The following SEPTIN6 variants were observed in gnomAD, a reference collection of about 807,000 sequenced individuals.
The protein encoded by SEPTIN6 is septin-6.
Under a neutral mutation model 33.6 loss-of-function variants are expected in SEPTIN6, and 8 were observed. The ratio of observed to expected loss-of-function variants is 0.24; its 90% confidence interval spans 0.14 to 0.43. SEPTIN6 has a LOEUF of 0.43. Ranked by LOEUF, SEPTIN6 falls within the 20% of genes least tolerant of loss-of-function variation. SEPTIN6 has a pLI of 1.00. For synonymous variants in SEPTIN6, 131 were observed against 140.0 expected (o/e 0.94, Z 0.45); for missense variants, 250 against 340.8 (o/e 0.73, Z 2.10).
At chrX:119,666,782 G>A (rs1166474450) in intron 2 of SEPTIN6, among the ~76,000 whole-genome samples, 1 of 111,567 alleles carries the variant, frequency 9.0e-6, no homozygotes, top group African/African-American at 3.3e-5. Context: ...GGAAGTATTT[G>A]GGTCCCAAGA....
At chrX:119,644,709 T>C (rs865877811) in intron 5 of SEPTIN6, among the ~76,000 whole-genome samples, 99 of 109,045 alleles carry the variant, frequency 9.1e-4, no homozygotes, top group African/African-American at 3.0e-3. Context: ...TAGCCGGGCG[T>C]GGTGGCGGGC....
rs764539127 is a variant in SEPTIN6, at chrX:119,645,142, G to A, written c.691-4354C>T. On this transcript the variant is annotated intron_variant, in intron 5 of 10. Coordinates refer to ENST00000394610, the MANE Select transcript of SEPTIN6 (RefSeq NM_145799.4). ...AGGCTGGTCTTGAACTCCTGACCTT[G>A]GGTGATCCACCCGCCTTGGTCTCTC... Among the ~76,000 whole-genome samples the A allele has an allele frequency of 4.6e-3, 499 of 108,699 alleles. 1 individual carries two copies. Among genetic ancestry groups the A allele is most frequent in the African/African-American group, 0.016 (470 of 29,787 alleles). The allele number at this position is 108,699 out of a possible 115,157, so 94.4% of individuals were successfully genotyped here.
intron 10 of SEPTIN6, chrX:119,624,157 GTTT>G (rs66945031): frequency 9.7e-6 from 2 of 205,439 alleles, no homozygotes; most frequent in Non-Finnish European, 1.8e-5. Context: ...TTTTTTTTTT[GTTT>G]TTTTTTTTGT....
intron 9 of SEPTIN6, 101 bp from the exon 10 acceptor site, chrX:119,625,480 T>C (rs1280568790): frequency 2.6e-6 from 2 of 770,113 alleles, no homozygotes; most frequent in African/African-American, 4.2e-5. Flanking sequence ...CAAAGGTGAT[T>C]AGGAGTAGCA....
chrX:119,652,319 A>G (rs2054364347), intron 4 of SEPTIN6, among the ~76,000 whole-genome samples: 1 of 111,544 alleles, frequency 9.0e-6, no homozygotes, highest in Non-Finnish European at 1.9e-5. Flanking sequence ...TGAGTGTCAC[A>G]GAATCTGCAC....
At chrX:119,660,064 G>C (rs755970080) in intron 3 of SEPTIN6, among the ~76,000 whole-genome samples, 2 of 106,843 alleles carry the variant, frequency 1.9e-5, no homozygotes, top group African/African-American at 3.8e-5. Context: ...AGTAGAGACG[G>C]GGGTTTCACC....
At chrX:119,634,187 T>A (rs2054015575) in intron 7 of SEPTIN6, among the ~76,000 whole-genome samples, 1 of 110,359 alleles carries the variant, frequency 9.1e-6, no homozygotes, top group Non-Finnish European at 1.9e-5. Flanking sequence ...GCCAACATGG[T>A]GAAACCCCAT....
chrX:119,663,459 C>CA, intron 3 of SEPTIN6, 23 bp downstream of exon 3: 1 of 437,943 alleles, frequency 2.3e-6, no homozygotes, highest in Non-Finnish European at 4.0e-6. Context: ...CCCCACCCTA[C>CA]CCCACCCCAC....
chrX:119,616,630 G>A, downstream of SEPTIN6: 1 of 986,755 alleles, frequency 1.0e-6, no homozygotes, highest in Admixed American at 2.4e-5. Flanking sequence ...AGTTTGAGGG[G>A]AGAGGAAATT....
chrX:119,678,518 CA>C (rs369089822), intron 1 of SEPTIN6, among the ~76,000 whole-genome samples: 1,743 of 92,833 alleles, frequency 0.019, 10 homozygotes, highest in African/African-American at 0.038. Context: ...GACTCCGTCT[CA>C]AAAAAAAAAA....
intron 3 of SEPTIN6, among the ~76,000 whole-genome samples, chrX:119,656,982 G>A (rs2054455927): frequency 9.2e-6 from 1 of 109,242 alleles, no homozygotes; most frequent in South Asian, 3.9e-4. Context: ...ACTTTGGGAG[G>A]CCGAGGCAGG....
At chrX:119,654,509 AAAG>A in intron 3 of SEPTIN6, among the ~76,000 whole-genome samples, 1 of 111,444 alleles carries the variant, frequency 9.0e-6, no homozygotes, top group African/African-American at 3.3e-5. Context: ...CATGATGATC[AAAG>A]GAGGAGCTGA....
At chrX:119,647,560 C>A (rs58385862) in intron 5 of SEPTIN6, among the ~76,000 whole-genome samples, 23,310 of 98,731 alleles carry the variant, frequency 0.24, 3,978 homozygotes, top group African/African-American at 0.55. Flanking sequence ...CAGGGTTCAC[C>A]GCAGCCTCAA....
intron 1 of SEPTIN6, among the ~76,000 whole-genome samples, chrX:119,677,851 A>G (rs2054867265): frequency 1.8e-5 from 2 of 112,528 alleles, no homozygotes; most frequent in South Asian, 7.3e-4. Flanking sequence ...ATCTCACCCC[A>G]CACCCTCCCA....
chrX:119,667,147 G>A (rs1031611269), intron 2 of SEPTIN6, among the ~76,000 whole-genome samples: 7 of 110,507 alleles, frequency 6.3e-5, no homozygotes, highest in Non-Finnish European at 1.3e-4. Flanking sequence ...CGAATGCCCT[G>A]TAGCTCCTAG....
chrX:119,616,993 A>G lies in SEPTIN6; in HGVS notation c.*3100T>C. 3.9e-6 allele frequency: 4 copies of G among 1,017,694 alleles called. No homozygotes were observed. Among genetic ancestry groups the G allele is most frequent in the Non-Finnish European group, 5.0e-6 (4 of 799,958 alleles). The allele number at this position is 1,017,694 out of a possible 1,213,427, so 83.9% of individuals were successfully genotyped here. On this transcript the variant is annotated 3_prime_UTR_variant, in exon 11 of 11. Coordinates refer to ENST00000394610, the MANE Select transcript of SEPTIN6 (RefSeq NM_145799.4). ...AAAACAAGCACATATTAACAGCCACATGTGAATGCCAAATGATTAAAACAA... is the reference window on the plus strand; with the variant it reads ...AAAACAAGCACATATTAACAGCCACGTGTGAATGCCAAATGATTAAAACAA...
chrX:119,670,035 A>T (rs2054714257), intron 2 of SEPTIN6, among the ~76,000 whole-genome samples: 1 of 111,635 alleles, frequency 9.0e-6, no homozygotes, highest in Admixed American at 9.6e-5. Context: ...AGGAGTGCAA[A>T]GCAACGGGCC....
rs2053682931 is a variant in SEPTIN6, at chrX:119,617,420, T to G, written c.*2673A>C. On this transcript the variant is annotated 3_prime_UTR_variant, in exon 11 of 11. Transcript: ENST00000394610. The stretch of plus-strand genomic sequence containing the variant: ...ATTTTTGTTCACCAAACTTCCCTGA[T>G]TATAAGGGTCACCTAGGGCACCTGT... 7.5e-6 allele frequency: 6 copies of G among 803,542 alleles called. No individual in the cohort carries two copies. The highest frequency in any genetic ancestry group is 9.0e-6 in the Non-Finnish European group (6 of 669,681). The allele number at this position is 803,542 out of a possible 1,213,427, so 66.2% of individuals were successfully genotyped here.
At chrX:119,674,440 G>T (rs1274278279) in intron 2 of SEPTIN6, among the ~76,000 whole-genome samples, 1 of 111,355 alleles carries the variant, frequency 9.0e-6, no homozygotes, top group Non-Finnish European at 1.9e-5. Flanking sequence ...GCCTCCCAAA[G>T]TGCTGGGATT....
Sources: gnomAD v4.1 joint callset for allele counts (sites outside exome capture counted in the v4.1 genomes callset) on GRCh38, gnomAD v4.1.1 for gene constraint, MANE v1.5 for transcripts, NCBI Gene and HGNC (gene_info 2026-07-23, HGNC 2026-07-21) for gene names.